WFDC3: variants seen among roughly 807,000 people sequenced by gnomAD.
The protein encoded by WFDC3 is WAP four-disulfide core domain 3.
WFDC3 carries 15 observed loss-of-function variants against 25.8 expected under a neutral mutation model. That is an observed-to-expected ratio of 0.58 (90% CI 0.39 to 0.89). WFDC3 has a LOEUF of 0.89. Among genes scored for constraint, WFDC3 ranks in the 40% least tolerant of loss-of-function variants. The pLI, the probability that WFDC3 is intolerant of heterozygous loss-of-function variation, is 0.00. For synonymous variants in WFDC3, 103 were observed against 107.1 expected, an observed-to-expected ratio of 0.96 and a Z score of 0.24; for missense variants, 264 against 289.8, an observed-to-expected ratio of 0.91 and a Z score of 0.65.
At chr20:45,784,445 G>A (rs935979636) in intron 4 of WFDC3, among the ~76,000 whole-genome samples, 15 of 152,304 alleles carry the variant, frequency 9.8e-5, no homozygotes, top group Middle Eastern at 6.8e-3. Flanking sequence ...AGGGGCTGGT[G>A]AGAAATTGTA....
chr20:45,788,046 G>A, intron 3 of WFDC3, 64 bp from the exon 4 acceptor site: 2 of 1,542,602 alleles, frequency 1.3e-6, no homozygotes, highest in Non-Finnish European at 1.7e-6. Context: ...GCTCACACCT[G>A]TAATCCCAGC....
At chr20:45,780,130 G>T (rs1056712046) in intron 4 of WFDC3, among the ~76,000 whole-genome samples, 1 of 138,406 alleles carries the variant, frequency 7.2e-6, no homozygotes, top group Non-Finnish European at 1.5e-5. Context: ...GTGCAGTGCC[G>T]CAATGGTGGC....
intron 3 of WFDC3, chr20:45,788,464 TA>T (rs1328088962): frequency 6.4e-6 from 1 of 157,480 alleles, no homozygotes; most frequent in African/African-American, 2.4e-5. Flanking sequence ...TAATAGCAAA[TA>T]TTTACTGTAA....
intron 4 of WFDC3, among the ~76,000 whole-genome samples, chr20:45,781,973 T>C (rs1233808430): frequency 6.6e-6 from 1 of 152,072 alleles, no homozygotes; most frequent in Admixed American, 6.5e-5. Flanking sequence ...TAGAAAAGGG[T>C]CAGCCAGACA....
In WFDC3 at chr20:45,789,013, C is replaced by T; in HGVS notation, c.129G>A (p.Leu43=). 1 of 1,613,782 alleles carries T rather than the reference C, an allele frequency of 6.2e-7. No individual in the cohort carries two copies. The highest frequency in any genetic ancestry group is 8.5e-7 in the Non-Finnish European group (1 of 1,179,936). ...CPPHKNPCKE[L]CQGDELCPAE... ...CCGGACACAATTCATCACCCTGGCA[C>T]AGCTCTTTGCATGGGTTCTTATGGG... The change falls in exon 3 of 7, where the codon CTG becomes CTA. Residue 43 remains leucine, a synonymous_variant. Coordinates refer to ENST00000243938, the MANE Select transcript of WFDC3 (RefSeq NM_080614.2).
chr20:45,774,451 G>A lies in WFDC3; in HGVS notation c.680-7C>T, dbSNP rs763952799. The stretch of plus-strand genomic sequence containing the variant: ...AGCTAGGGCACCGGGATCTCTGCAA[G>A]TAGAAGAAACATCAAGTCACAGCTG... On this transcript the variant is annotated splice_region_variant and splice_polypyrimidine_tract_variant and intron_variant, in intron 6 of 6. Coordinates refer to ENST00000243938, the MANE Select transcript of WFDC3 (RefSeq NM_080614.2). 6.2e-7 allele frequency: 1 copy of A among 1,614,084 alleles called. No individual in the cohort carries two copies. The highest frequency in any genetic ancestry group is 2.2e-5 in the East Asian group (1 of 44,876).
In WFDC3 at chr20:45,776,975, G is replaced by A. The variant is rs1601010527; in HGVS notation, c.493+100C>T. 14 of 1,589,474 alleles carry A rather than the reference G, an allele frequency of 8.8e-6. No individual in the cohort carries two copies. The East Asian group carries it at 2.9e-4, about 33-fold the overall frequency. ...GTTGCTTTGGGTTGGGGGACCAGAG[G>A]GACAGGAAGGATGAGAATCCTAGCT... On this transcript the variant is annotated intron_variant, in intron 5 of 6. Coordinates refer to ENST00000243938, the MANE Select transcript of WFDC3 (RefSeq NM_080614.2).
At chr20:45,787,661 C>A (rs980775965) in intron 4 of WFDC3, among the ~76,000 whole-genome samples, 175 bp downstream of exon 4, 1 of 152,090 alleles carries the variant, frequency 6.6e-6, no homozygotes, top group African/African-American at 2.4e-5. Context: ...CCTCCCTCTG[C>A]CTGCCCAGGC....
In WFDC3 at chr20:45,777,166, C is replaced by G; in HGVS notation, c.402G>C (p.Glu134Asp). ...AGGATGCATCCCCATCACACAGCTC[C>G]TCACACGGAAGGGGGTCAGCGGGAC... is the stretch of plus-strand genomic sequence containing the variant. Reference protein sequence around the residue: ...GECPADPLPCEELCDGDASCP... With the variant: ...GECPADPLPCDELCDGDASCP... The change falls in exon 5 of 7, where the codon GAG becomes GAC. Residue 134 changes from glutamate (E) to aspartate (D), a missense_variant. Transcript: ENST00000243938. 6.2e-7 allele frequency: 1 copy of G among 1,602,286 alleles called. No individual in the cohort carries two copies.
At chr20:45,788,646 T>G (rs1001085497) in intron 3 of WFDC3, 1 of 299,496 alleles carries the variant, frequency 3.3e-6, no homozygotes, top group African/African-American at 2.2e-5. Flanking sequence ...ATCATTATCT[T>G]ACACAGCCTT....
At chr20:45,783,971 C>T (rs1433247913) in intron 4 of WFDC3, among the ~76,000 whole-genome samples, 2 of 152,296 alleles carry the variant, frequency 1.3e-5, no homozygotes, top group East Asian at 3.9e-4. Context: ...GGCTCTGGGA[C>T]ATCTGCGGGA....
chr20:45,778,966 C>T (rs1019965390), intron 4 of WFDC3: 2 of 152,110 alleles, frequency 1.3e-5, no homozygotes, highest in Non-Finnish European at 2.9e-5. Context: ...AAAACAAACC[C>T]CTATATGATT....
Position 45,774,346 on chromosome 20 carries a change from C to T in WFDC3, c.*82G>A. ...GCCATGAGTGCCCCTGGAAATGTCA[C>T]AAGCCCCAGGATGTCACCCTCTCTT... On this transcript the variant is annotated 3_prime_UTR_variant, in exon 7 of 7. Coordinates refer to ENST00000243938, the MANE Select transcript of WFDC3 (RefSeq NM_080614.2). 9 of 1,597,610 alleles carry T rather than the reference C, an allele frequency of 5.6e-6. No individual in the cohort carries two copies. Among genetic ancestry groups the T allele is most frequent in the Non-Finnish European group, 7.7e-6 (9 of 1,165,268 alleles).
Position 45,787,885 on chromosome 20 carries a change from C to T in WFDC3, c.309G>A (p.Thr103=), listed in dbSNP as rs1199503155. The T allele has an allele frequency of 7.4e-6, 12 of 1,613,928 alleles. No individual in the cohort carries two copies. Among genetic ancestry groups the T allele is most frequent in the East Asian group, 2.2e-5 (1 of 44,890 alleles). The change falls in exon 4 of 7, where the codon ACG becomes ACA. Residue 103 remains threonine (T), a synonymous_variant. Coordinates refer to ENST00000243938, the MANE Select transcript of WFDC3 (RefSeq NM_080614.2). ...CTACACAGCTCTTGTTGCAGCCAAG[C>T]GTGCAGCATTTCTTTACACCTGGAC... The part of the protein sequence containing the change: ...ETCPGVKKCC[T]LGCNKSCVVP...
chr20:45,782,400 G>A (rs1435236925), intron 4 of WFDC3, among the ~76,000 whole-genome samples: 1 of 149,690 alleles, frequency 6.7e-6, no homozygotes, highest in Non-Finnish European at 1.5e-5. Context: ...TTTTTGAGAT[G>A]GAGTTTCGCT....
At chr20:45,789,152 TATTTCTGCACCACTGCACTCTAGCCTGG>T (rs2145691386) in intron 2 of WFDC3, 93 bp from the exon 3 acceptor site, 2 of 1,527,166 alleles carry the variant, frequency 1.3e-6, no homozygotes, top group African/African-American at 2.8e-5. Flanking sequence ...CTATCCAAAA[TATTTCTGCACCACTGCACTCTAGCCTGG>T]GTGACAGAAT....
At chr20:45,785,387 T>C (rs1419978284) in intron 4 of WFDC3, among the ~76,000 whole-genome samples, 1 of 151,276 alleles carries the variant, frequency 6.6e-6, no homozygotes, top group Non-Finnish European at 1.5e-5. Context: ...CAAGAATGAC[T>C]TGAATGTGGG....
chr20:45,790,022 T>C (rs1480747883), intron 1 of WFDC3, 40 bp from the exon 2 acceptor site: 4 of 1,547,566 alleles, frequency 2.6e-6, no homozygotes, highest in Non-Finnish European at 3.6e-6. Flanking sequence ...GCTAGAGGTG[T>C]ACACCTTGCC....
intron 4 of WFDC3, among the ~76,000 whole-genome samples, chr20:45,784,284 G>A (rs533685835): frequency 9.8e-5 from 15 of 152,346 alleles, no homozygotes; most frequent in African/African-American, 3.6e-4. Context: ...AGCTGCCTAA[G>A]CCGGGCACAG....
Sources: gnomAD v4.1 joint callset for allele counts (sites outside exome capture counted in the v4.1 genomes callset) on GRCh38, gnomAD v4.1.1 for gene constraint, MANE v1.5 for transcripts, NCBI Gene and HGNC (gene_info 2026-07-23, HGNC 2026-07-21) for gene names.